The following CASK variants were observed in gnomAD, a reference collection of about 807,000 sequenced individuals.
The protein encoded by CASK is peripheral plasma membrane protein CASK.
CASK carries 4 observed loss-of-function variants against 82.9 expected under a neutral mutation model. The observed-to-expected ratio is 0.05, with a 90% CI of 0.02 to 0.11. The LOEUF (loss-of-function observed/expected upper bound fraction) is 0.11. Among genes scored for constraint, CASK ranks in the 10% least tolerant of loss-of-function variants. CASK has a pLI of 1.00. For synonymous variants in CASK, 259 were observed against 253.5 expected, an observed-to-expected ratio of 1.02 and a Z score of -0.20; for missense variants, 358 against 720.9, an observed-to-expected ratio of 0.50 and a Z score of 5.76.
At chrX:41,614,642 A>ATCCTGAGT (rs2066163293) in intron 11 of CASK, among the ~76,000 whole-genome samples, 1 of 107,966 alleles carries the variant, frequency 9.3e-6, no homozygotes, top group African/African-American at 3.4e-5. Context: ...CTGCCTCAGC[A>ATCCTGAGT]TCCTGAGTAG....
At chrX:41,709,167 G>C (rs1032371616) in intron 5 of CASK, among the ~76,000 whole-genome samples, 2 of 111,713 alleles carry the variant, frequency 1.8e-5, no homozygotes, top group African/African-American at 6.5e-5. Context: ...TTCACCAAAA[G>C]ATTACCAAGA....
At chrX:41,752,198 CA>C (rs777918611) in intron 3 of CASK, among the ~76,000 whole-genome samples, 7 of 111,185 alleles carry the variant, frequency 6.3e-5, no homozygotes, top group Admixed American at 1.9e-4. Flanking sequence ...AATAAATTAA[CA>C]AAATAACTAG....
At chrX:41,627,411 A>T (rs1357878463) in intron 9 of CASK, among the ~76,000 whole-genome samples, 1 of 111,856 alleles carries the variant, frequency 8.9e-6, no homozygotes, top group Non-Finnish European at 1.9e-5. Flanking sequence ...TATTTATTTT[A>T]TTTTTTATTT....
In CASK at chrX:41,869,812, C is replaced by CAAAAAAAAAAAAAAAAA. The variant is rs72190097; in HGVS notation, c.60-16602_60-16586dup. Among the ~76,000 whole-genome samples the CAAAAAAAAAAAAAAAAA allele has an allele frequency of 6.3e-3, 76 of 12,100 alleles. 12 individuals are homozygous for CAAAAAAAAAAAAAAAAA. Among genetic ancestry groups the CAAAAAAAAAAAAAAAAA allele is most frequent in the Admixed American group, 9.9e-3 (6 of 607 alleles). 10.5% of individuals were successfully genotyped at this position (12,100 alleles called of 115,157 possible). A position where few individuals can be genotyped will look rare whatever the true frequency, so the allele number is the denominator to read the frequency against. ...TGGGTGATGAAGTAAGACTCTGTCT[C>CAAAAAAAAAAAAAAAAA]AAAAAAAAAAAAAAAAAAAAAAAAG... is the stretch of plus-strand genomic sequence containing the variant. On this transcript the variant is annotated intron_variant, in intron 1 of 26. Coordinates refer to ENST00000378163, the MANE Select transcript of CASK (RefSeq NM_001367721.1).
chrX:41,717,235 C>T lies in CASK; in HGVS notation c.429+22149G>A, dbSNP rs1306422320. ...TGCTTTCCTTTGTTCTGTGTGCTCT[C>T]GCCATTGCTCCACCCGCGAGACGCA... On this transcript the variant is annotated intron_variant, in intron 5 of 26. Transcript: ENST00000378163. Among the ~76,000 whole-genome samples the T allele has an allele frequency of 5.3e-5, 6 of 112,315 alleles. No homozygotes were observed. The East Asian group carries it at 8.4e-4, about 16-fold the overall frequency.
At chrX:41,826,003 T>G (rs1437262186) in intron 2 of CASK, among the ~76,000 whole-genome samples, 1 of 112,516 alleles carries the variant, frequency 8.9e-6, no homozygotes, top group Non-Finnish European at 1.9e-5. Flanking sequence ...TATTCACTGC[T>G]GTCATATGTA....
chrX:41,810,003 A>G (rs2070233611), intron 2 of CASK, among the ~76,000 whole-genome samples: 1 of 112,316 alleles, frequency 8.9e-6, no homozygotes, highest in South Asian at 3.7e-4. Flanking sequence ...CTGAAGATCA[A>G]ATGAATGAAA....
At chrX:41,688,473 A>G (rs2147545979) in intron 5 of CASK, among the ~76,000 whole-genome samples, 1 of 112,025 alleles carries the variant, frequency 8.9e-6, no homozygotes, top group African/African-American at 3.2e-5. Context: ...TGATGTTTTA[A>G]TTTGCTCGGG....
intron 2 of CASK, among the ~76,000 whole-genome samples, chrX:41,840,351 A>G (rs1472751127): frequency 2.7e-5 from 3 of 112,330 alleles, no homozygotes; most frequent in Non-Finnish European, 5.6e-5. Context: ...ATAATGTGTT[A>G]TATTTTAAAT....
chrX:41,617,279 C>G (rs1285803174), intron 11 of CASK, among the ~76,000 whole-genome samples: 4 of 112,114 alleles, frequency 3.6e-5, no homozygotes, highest in Non-Finnish European at 7.5e-5. Context: ...GGATCTGTCA[C>G]CTCTTCTGAA....
At chrX:41,912,619 TAA>T (rs936699460) in intron 1 of CASK, among the ~76,000 whole-genome samples, 2 of 107,367 alleles carry the variant, frequency 1.9e-5, no homozygotes, top group African/African-American at 6.7e-5. Flanking sequence ...GGACAGTTTT[TAA>T]AAAGACAGAA....
chrX:41,744,415 T>C (rs907343490), intron 4 of CASK, among the ~76,000 whole-genome samples: 8 of 108,712 alleles, frequency 7.4e-5, no homozygotes, highest in African/African-American at 2.7e-4. Context: ...GCACGATCTC[T>C]GCTCAATGCA....
intron 9 of CASK, among the ~76,000 whole-genome samples, chrX:41,636,156 C>T (rs1015947155): frequency 9.0e-6 from 1 of 110,503 alleles, no homozygotes; most frequent in African/African-American, 3.3e-5. Context: ...CTCGGCCTCC[C>T]AAAGTGCTGG....
chrX:41,603,784 T>A (rs2065924576), intron 12 of CASK, among the ~76,000 whole-genome samples: 1 of 111,947 alleles, frequency 8.9e-6, no homozygotes, highest in South Asian at 3.7e-4. Flanking sequence ...GTATGACAGA[T>A]GGCCAGTTAA....
chrX:41,586,850 TA>T, intron 14 of CASK, 56 bp downstream of exon 14: 3 of 771,667 alleles, frequency 3.9e-6, no homozygotes, highest in Non-Finnish European at 4.0e-6. Context: ...GAGGGTAGTT[TA>T]AAAACTTCTT....
chrX:41,847,255 T>C (rs748532684), intron 2 of CASK, among the ~76,000 whole-genome samples: 4 of 111,754 alleles, frequency 3.6e-5, no homozygotes, highest in African/African-American at 1.3e-4. Flanking sequence ...GTATGCTTGA[T>C]GGTATCCCCA....
In CASK at chrX:41,520,494, T is replaced by C. The variant is rs1456018910; in HGVS notation, c.2707A>G (p.Ile903Val). The change falls in exon 27 of 27, where the codon ATC becomes GTC. Residue 903 changes from isoleucine (I) to valine (V), a missense_variant. Ile to Val is a conservative substitution (Grantham distance 29). Coordinates refer to ENST00000378163, the MANE Select transcript of CASK (RefSeq NM_001367721.1). The part of the protein sequence containing the change: ...TIINNEIDET[I>V]RHLEEAVELV... ...TCAACAGCTTCCTCCAGATGTCTGA[T>C]TGTCTCATCAATTTCATTGTTGATA... 8.3e-7 allele frequency: 1 copy of C among 1,208,501 alleles called. No homozygotes were observed. Among genetic ancestry groups the C allele is most frequent in the South Asian group, 1.8e-5 (1 of 56,885 alleles).
chrX:41,916,010 C>T (rs2072677119), intron 1 of CASK, among the ~76,000 whole-genome samples: 1 of 106,880 alleles, frequency 9.4e-6, no homozygotes, highest in Admixed American at 1.0e-4. Flanking sequence ...CACACACACA[C>T]ACACACGCAC....
chrX:41,670,582 A>T (rs1175401542), intron 6 of CASK, among the ~76,000 whole-genome samples: 1 of 111,015 alleles, frequency 9.0e-6, no homozygotes, highest in Non-Finnish European at 1.9e-5. Flanking sequence ...CCTTGCCTCT[A>T]CTAAAAATAA....
Sources: allele counts gnomAD v4.1 joint callset (sites outside exome capture counted in the v4.1 genomes callset), GRCh38; gene constraint gnomAD v4.1.1; transcripts MANE v1.5; gene names NCBI Gene and HGNC (gene_info 2026-07-23, HGNC 2026-07-21).